The following GLB1L3 variants were observed in gnomAD, a reference collection of about 807,000 sequenced individuals.
GLB1L3 encodes the protein beta-galactosidase-1-like protein 3.
In GLB1L3, 89 loss-of-function variants were observed where a neutral mutation model predicts 89.5. The ratio of observed to expected loss-of-function variants is 0.99; its 90% CI spans 0.84 to 1.19. The LOEUF (loss-of-function observed/expected upper bound fraction) is 1.19, where lower values mean the gene tolerates loss of function less well. GLB1L3 is among the 50% of genes most tolerant of loss of function. GLB1L3 has a pLI of 0.00. For missense variants in GLB1L3, 812 were observed against 813.3 expected (o/e 1.00, Z 0.02); for synonymous variants, 314 against 312.3 (o/e 1.01, Z -0.06).
chr11:134,308,461 C>CCAT (rs1942469471), intron 10 of GLB1L3, among the ~76,000 whole-genome samples: 2 of 24,112 alleles, frequency 8.3e-5, no homozygotes, highest in African/African-American at 4.9e-4. Flanking sequence ...ACCACCACCA[C>CCAT]CACCACCACC....
chr11:134,323,037 G>A (rs1943185122), downstream of GLB1L3, among the ~76,000 whole-genome samples: 1 of 152,142 alleles, frequency 6.6e-6, no homozygotes, highest in Non-Finnish European at 1.5e-5. Context: ...CCACCAACAA[G>A]GTATTAGGTT....
At chr11:134,299,001 T>C (rs552333843) in intron 9 of GLB1L3, among the ~76,000 whole-genome samples, 20 of 152,304 alleles carry the variant, frequency 1.3e-4, no homozygotes, top group African/African-American at 4.8e-4. Context: ...TCTTTCCCAC[T>C]GTCTTTTTTT....
intron 6 of GLB1L3, among the ~76,000 whole-genome samples, chr11:134,285,908 GT>G (rs1162065552): frequency 2.5e-3 from 329 of 130,090 alleles, no homozygotes; most frequent in Admixed American, 0.016. Flanking sequence ...TGTGAGTTCT[GT>G]TTTTTTTTTT....
Position 134,319,019 on chromosome 11 carries a change from ATC to A in GLB1L3, c.*81_*82del, listed in dbSNP as rs1943104403. ...GCCCAGGCTGGAGTGCAGTGGCACA[ATC>A]TCTGCTCACTGCAAGCTCAGCCTCT... On this transcript the variant is annotated 3_prime_UTR_variant, in exon 20 of 20. Coordinates refer to ENST00000431683, the MANE Select transcript of GLB1L3 (RefSeq NM_001080407.3). The A allele has an allele frequency of 9.9e-7, 1 of 1,008,666 alleles. No homozygotes were observed. Among genetic ancestry groups the A allele is most frequent in the African/African-American group, 1.6e-5 (1 of 62,622 alleles). The allele number at this position is 1,008,666 out of a possible 1,614,324, so 62.5% of individuals were successfully genotyped here. A position where few individuals can be genotyped will look rare whatever the true frequency, so the allele number is the denominator to read the frequency against.
chr11:134,278,921 C>T (rs1940529920), intron 3 of GLB1L3, among the ~76,000 whole-genome samples: 1 of 152,194 alleles, frequency 6.6e-6, no homozygotes, highest in Non-Finnish European at 1.5e-5. Context: ...TTCTGATAGT[C>T]AAGCAGCCAT....
At chr11:134,288,505 C>G (rs1297141968) in intron 6 of GLB1L3, among the ~76,000 whole-genome samples, 1 of 152,098 alleles carries the variant, frequency 6.6e-6, no homozygotes, top group Non-Finnish European at 1.5e-5. Flanking sequence ...ATGGGATTGG[C>G]GTGGAAGCAG....
At chr11:134,299,207 T>C (rs1298155597) in intron 9 of GLB1L3, among the ~76,000 whole-genome samples, 1 of 152,012 alleles carries the variant, frequency 6.6e-6, no homozygotes, top group African/African-American at 2.4e-5. Flanking sequence ...TATCTGATCT[T>C]GCATGCTGTC....
intron 13 of GLB1L3, 145 bp from the exon 14 acceptor site, chr11:134,312,204 G>A (rs1043255150): frequency 2.4e-6 from 2 of 847,034 alleles, no homozygotes; most frequent in Admixed American, 2.4e-5. Flanking sequence ...TAAGCACAGA[G>A]CAGTGTCACA....
At chr11:134,286,031 C>T (rs1459021810) in intron 6 of GLB1L3, among the ~76,000 whole-genome samples, 1 of 151,390 alleles carries the variant, frequency 6.6e-6, no homozygotes, top group African/African-American at 2.4e-5. Flanking sequence ...GCCTCAGCTT[C>T]CTGAATAGCT....
At chr11:134,308,655 T>TCACCACCACCAC (rs1186746011) in intron 10 of GLB1L3, among the ~76,000 whole-genome samples, 2 of 105,546 alleles carry the variant, frequency 1.9e-5, no homozygotes, top group Admixed American at 9.3e-5. Flanking sequence ...ACCACCATCA[T>TCACCACCACCAC]CACCACCACC....
At chr11:134,288,758 A>G (rs1941165732) in intron 6 of GLB1L3, 40 bp from the exon 7 acceptor site, 1 of 1,506,718 alleles carries the variant, frequency 6.6e-7, no homozygotes, top group Non-Finnish European at 9.1e-7. Flanking sequence ...TTTTGCCCCA[A>G]ATAGCCTCAC....
chr11:134,292,279 C>A, intron 8 of GLB1L3, 66 bp downstream of exon 8: 1 of 1,207,328 alleles, frequency 8.3e-7, no homozygotes, highest in Non-Finnish European at 1.2e-6. Flanking sequence ...ATCTTGAACA[C>A]ACTGCAGAGA....
chr11:134,281,367 C>T lies in GLB1L3; in HGVS notation c.363-10C>T, dbSNP rs2136109745. The T allele has an allele frequency of 1.9e-6, 3 of 1,613,622 alleles. No individual in the cohort carries two copies. The highest frequency in any genetic ancestry group is 2.2e-5 in the South Asian group (2 of 91,046). On this transcript the variant is annotated splice_polypyrimidine_tract_variant and intron_variant, in intron 3 of 19. Coordinates refer to ENST00000431683, the MANE Select transcript of GLB1L3 (RefSeq NM_001080407.3). ...AGATACTCATCATACTTCCCTCTCA[C>T]CTCTTCTAGCTATGTTCCGTGGAAC...
chr11:134,299,494 G>A (rs919161775), intron 9 of GLB1L3, among the ~76,000 whole-genome samples: 1 of 152,000 alleles, frequency 6.6e-6, no homozygotes, highest in Admixed American at 6.6e-5. Flanking sequence ...CTGGTTGTGG[G>A]GTTTGTTGTT....
intron 9 of GLB1L3, among the ~76,000 whole-genome samples, chr11:134,301,460 AT>A (rs1056645413): frequency 1.3e-5 from 2 of 152,062 alleles, no homozygotes; most frequent in African/African-American, 4.8e-5. Context: ...TGGCCGTATC[AT>A]TTGTGCTGGT....
chr11:134,313,609 C>T, intron 16 of GLB1L3, 135 bp downstream of exon 16: 2 of 767,310 alleles, frequency 2.6e-6, no homozygotes, highest in Non-Finnish European at 2.2e-6. Context: ...AGCAGAGATG[C>T]AAAATCGGCC....
In GLB1L3 at chr11:134,283,904, C is replaced by T. The variant is rs1299761291; in HGVS notation, c.636+59C>T. 34 of 998,238 alleles carry T rather than the reference C, an allele frequency of 3.4e-5. No individual in the cohort carries two copies. In the South Asian group the frequency reaches 3.6e-4, roughly 11 times the overall value. 61.8% of individuals were successfully genotyped at this position (998,238 alleles called of 1,614,324 possible). ...GTGCCCTTTAGGGAAAGAGTTTGTTCTGGCTTGATCACTGAAGAGGCCACA... is the reference window on the plus strand; with the variant it reads ...GTGCCCTTTAGGGAAAGAGTTTGTTTTGGCTTGATCACTGAAGAGGCCACA... On this transcript the variant is annotated intron_variant, in intron 6 of 19. Transcript: ENST00000431683.
intron 6 of GLB1L3, 87 bp downstream of exon 6, chr11:134,283,932 C>A: frequency 4.0e-6 from 3 of 757,806 alleles, no homozygotes; most frequent in South Asian, 1.6e-5. Flanking sequence ...AGGCCACATG[C>A]AGTCTCCATG....
Position 134,312,921 on chromosome 11 carries a change from A to AC in GLB1L3, c.1500+40dup, listed in dbSNP as rs775434473. 56 of 1,408,476 alleles carry AC rather than the reference A, an allele frequency of 4.0e-5. No homozygotes were observed. The South Asian group carries it at 6.5e-4, about 16-fold the overall frequency. 87.2% of individuals were successfully genotyped at this position (1,408,476 alleles called of 1,614,324 possible). ...TTTGAGAGTCCAGGTGATGCCCTCG[A>AC]CCCCCCTCAAATGCAGACGGAGCCT... On this transcript the variant is annotated intron_variant, in intron 15 of 19. Transcript: ENST00000431683.
Sources: gnomAD v4.1 joint callset for allele counts (sites outside exome capture counted in the v4.1 genomes callset) on GRCh38, gnomAD v4.1.1 for gene constraint, MANE v1.5 for transcripts, NCBI Gene and HGNC (gene_info 2026-07-23, HGNC 2026-07-21) for gene names.